Variants in NDUFAF7 observed in about 807,000 individuals in gnomAD.
The protein encoded by NDUFAF7 is NADH:ubiquinone oxidoreductase complex assembly factor 7.
NDUFAF7 carries 48 observed loss-of-function variants against 47.2 expected under a neutral mutation model. The observed-to-expected ratio is 1.02, with a 90% CI of 0.81 to 1.29. The LOEUF (loss-of-function observed/expected upper bound fraction) is 1.29. NDUFAF7 is among the 50% of genes most tolerant of loss of function. The pLI, the probability that NDUFAF7 is intolerant of heterozygous loss-of-function variation, is 0.00. For missense variants in NDUFAF7, 635 were observed against 537.6 expected (o/e 1.18, Z -1.79); for synonymous variants, 217 against 190.0 (o/e 1.14, Z -1.17).
chr2:37,232,231 G>A lies in NDUFAF7; in HGVS notation c.181G>A (p.Glu61Lys), dbSNP rs1242338106. ...GTCTACTGGTCCCATCACTGTGGCC[G>A]AGTACATGAAGGAGGTGTTGACTAA... The part of the protein sequence containing the change: ...IKSTGPITVA[E>K]YMKEVLTNPA... Residue 61 changes from glutamate (E) to lysine (K), a missense_variant, in exon 2 of 10, where the codon GAG (glutamate) becomes AAG (lysine). Transcript: ENST00000002125. 1.2e-6 allele frequency: 2 copies of A among 1,613,524 alleles called. No individual in the cohort carries two copies. Among genetic ancestry groups the A allele is most frequent in the African/African-American group, 1.3e-5 (1 of 74,916 alleles).
chr2:37,242,459 A>G (rs1666448324), intron 5 of NDUFAF7, 176 bp from the exon 6 acceptor site: 1 of 525,242 alleles, frequency 1.9e-6, no homozygotes, highest in African/African-American at 2.0e-5. Flanking sequence ...TATGTGTAAA[A>G]TAAGAATAGT....
chr2:37,264,589 A>G, the NDUFAF7 span, among the ~76,000 whole-genome samples: 1 of 152,214 alleles, frequency 6.6e-6, no homozygotes, highest in South Asian at 2.1e-4. Flanking sequence ...ATATTTGGGC[A>G]AAATCCTGAC....
chr2:37,248,425 A>G lies in NDUFAF7; in HGVS notation c.*75A>G. On this transcript the variant is annotated 3_prime_UTR_variant, in exon 10 of 10. Transcript: ENST00000002125. ...AAAGGAAACACATTTCATATACTGC[A>G]GGTAACAAAAGTCAAAGTATTTTAT... The G allele has an allele frequency of 7.5e-7, 1 of 1,335,734 alleles. No individual in the cohort carries two copies. Among genetic ancestry groups the G allele is most frequent in the Non-Finnish European group, 1.1e-6 (1 of 928,458 alleles). 82.7% of individuals were successfully genotyped at this position (1,335,734 alleles called of 1,614,324 possible).
At position 37,232,299 on chromosome 2, in the gene NDUFAF7, C is replaced by T. The variant is rs756933574; in HGVS notation, c.216+33C>T. ...TCGGGTAGCCCGAGGACTAGGCCCT[C>T]TCTAGCCGATTTGCGAGGTGCAAGC... On this transcript the variant is annotated intron_variant, in intron 2 of 9. Transcript: ENST00000002125. 1.2e-5 allele frequency: 20 copies of T among 1,611,668 alleles called. No homozygotes were observed. The South Asian group carries it at 1.5e-4, about 12-fold the overall frequency.
intron 2 of NDUFAF7, among the ~76,000 whole-genome samples, 159 bp downstream of exon 2, chr2:37,232,425 G>A (rs968679659): frequency 2.6e-5 from 4 of 152,226 alleles, no homozygotes; most frequent in African/African-American, 9.6e-5. Context: ...TTGTCAGTTG[G>A]TCAGGGCTGG....
downstream of NDUFAF7, chr2:37,256,841 G>A: frequency 6.2e-7 from 1 of 1,613,968 alleles, no homozygotes; most frequent in Non-Finnish European, 8.5e-7. Context: ...GAGAACTTCA[G>A]GGGCTAAGTA....
At chr2:37,269,449 A>G in the NDUFAF7 span, 1 of 617,364 alleles carries the variant, frequency 1.6e-6, no homozygotes, top group Non-Finnish European at 2.9e-6. Flanking sequence ...TTAAGGGAAG[A>G]ATACTCAAAT....
intron 2 of NDUFAF7, among the ~76,000 whole-genome samples, chr2:37,232,614 C>A (rs373774523): frequency 4.6e-5 from 7 of 152,076 alleles, no homozygotes; most frequent in Non-Finnish European, 5.9e-5. Context: ...ATGGAGAGTT[C>A]AGGCTGGTAT....
intron 4 of NDUFAF7, among the ~76,000 whole-genome samples, chr2:37,238,917 A>T (rs1452733419): frequency 1.3e-5 from 2 of 151,858 alleles, no homozygotes; most frequent in Non-Finnish European, 2.9e-5. Flanking sequence ...AAAAAAAAAA[A>T]AAAAAGATTA....
chr2:37,247,863 A>G (rs1347313859), intron 9 of NDUFAF7, among the ~76,000 whole-genome samples: 1 of 152,212 alleles, frequency 6.6e-6, no homozygotes, highest in Non-Finnish European at 1.5e-5. Flanking sequence ...AACTGCGTTT[A>G]TGGGTATGAA....
At chr2:37,261,284 C>T in the NDUFAF7 span, among the ~76,000 whole-genome samples, 3 of 151,388 alleles carry the variant, frequency 2.0e-5, no homozygotes, top group African/African-American at 7.3e-5. Flanking sequence ...GTCAGGAGTT[C>T]GAGACCAGCG....
At chr2:37,249,901 CTGT>C, downstream of NDUFAF7, among the ~76,000 whole-genome samples, 1 of 152,028 alleles carries the variant, frequency 6.6e-6, no homozygotes, top group South Asian at 2.1e-4. Flanking sequence ...CAGTGATGAA[CTGT>C]TGCTTTTTAT....
At chr2:37,238,696 G>C (rs1415129107) in intron 4 of NDUFAF7, among the ~76,000 whole-genome samples, 1 of 152,000 alleles carries the variant, frequency 6.6e-6, no homozygotes, top group Middle Eastern at 3.4e-3. Flanking sequence ...GCAGCTTTTT[G>C]TTCTTCAGAG....
intron 8 of NDUFAF7, 43 bp downstream of exon 8, chr2:37,246,238 T>C (rs766636429): frequency 6.2e-7 from 1 of 1,607,684 alleles, no homozygotes; most frequent in Non-Finnish European, 8.5e-7. Context: ...ATTTCAGTGT[T>C]AGATCTGAAG....
the NDUFAF7 span, among the ~76,000 whole-genome samples, chr2:37,264,195 C>T: frequency 6.6e-6 from 1 of 152,126 alleles, no homozygotes; most frequent in African/African-American, 2.4e-5. Flanking sequence ...TTCTGTGTAA[C>T]TGTATATAGA....
chr2:37,256,742 T>C (rs1416304907), downstream of NDUFAF7: 1 of 1,608,676 alleles, frequency 6.2e-7, no homozygotes, highest in Non-Finnish European at 8.5e-7. Context: ...ATCTTCATCC[T>C]CATTAAAAGG....
downstream of NDUFAF7, among the ~76,000 whole-genome samples, chr2:37,249,643 G>GACACACACACACACACACAC (rs56208997): frequency 0.014 from 1,853 of 132,540 alleles, 52 homozygotes; most frequent in East Asian, 0.052. Flanking sequence ...CTGTGATAGA[G>GACACACACACACACACACAC]ACACACACAC....
In NDUFAF7 at chr2:37,242,596, AAATGT is replaced by A. The variant is rs1243729819; in HGVS notation, c.623-38_623-34del. On this transcript the variant is annotated intron_variant, in intron 5 of 9. Coordinates refer to ENST00000002125, the MANE Select transcript of NDUFAF7 (RefSeq NM_144736.5). ...ATATTCAAAAGAATTAATTCCTGTGAAATGTGGAAACATTAATTGTTTTCCTCTTT... is the reference window on the plus strand; with the variant it reads ...ATATTCAAAAGAATTAATTCCTGTGAGGAAACATTAATTGTTTTCCTCTTT... The A allele has an allele frequency of 2.7e-6, 4 of 1,480,498 alleles. No homozygotes were observed. In the South Asian group the frequency reaches 4.6e-5, roughly 17 times the overall value. 91.7% of individuals were successfully genotyped at this position (1,480,498 alleles called of 1,614,324 possible).
the NDUFAF7 span, among the ~76,000 whole-genome samples, chr2:37,263,720 G>A: frequency 6.6e-6 from 1 of 152,182 alleles, no homozygotes; most frequent in South Asian, 2.1e-4. Flanking sequence ...AAGGGCTGCA[G>A]ATTTCAGAAA....
Sources: gnomAD v4.1 joint callset for allele counts (sites outside exome capture counted in the v4.1 genomes callset) on GRCh38, gnomAD v4.1.1 for gene constraint, MANE v1.5 for transcripts, NCBI Gene and HGNC (gene_info 2026-07-23, HGNC 2026-07-21) for gene names.